Variants in AEBP2 observed in about 807,000 individuals in gnomAD.
The protein encoded by AEBP2 is zinc finger protein AEBP2.
AEBP2 carries 10 observed loss-of-function variants against 50.8 expected under a neutral mutation model. The ratio of observed to expected loss-of-function variants is 0.20; its 90% confidence interval spans 0.12 to 0.33. The LOEUF (loss-of-function observed/expected upper bound fraction) is 0.33. Ranked by LOEUF, AEBP2 falls within the 10% of genes least tolerant of loss-of-function variation. AEBP2 has a pLI of 1.00. For synonymous variants in AEBP2, 296 were observed against 261.3 expected (o/e 1.13, Z -1.28); for missense variants, 570 against 688.0 (o/e 0.83, Z 1.92).
intron 3 of AEBP2, among the ~76,000 whole-genome samples, chr12:19,473,660 C>T (rs1040347871): frequency 3.3e-5 from 5 of 152,150 alleles, no homozygotes; most frequent in Admixed American, 1.3e-4. Context: ...CCCGCCTTGG[C>T]CACCCAAAGT....
intron 1 of AEBP2, among the ~76,000 whole-genome samples, chr12:19,428,016 C>T (rs908959006): frequency 1.3e-5 from 2 of 151,788 alleles, no homozygotes; most frequent in African/African-American, 2.4e-5. Context: ...GCTGGTGGAT[C>T]GCTTGAGCTC....
chr12:19,427,098 G>T (rs902262243), intron 1 of AEBP2, among the ~76,000 whole-genome samples: 1 of 152,122 alleles, frequency 6.6e-6, no homozygotes, highest in Non-Finnish European at 1.5e-5. Flanking sequence ...GCAGAGGAAG[G>T]TCGGGCACGG....
chr12:19,493,795 T>G lies in AEBP2; in HGVS notation c.988-5T>G. 1 of 1,612,824 alleles carries G rather than the reference T, an allele frequency of 6.2e-7. No individual in the cohort carries two copies. Among genetic ancestry groups the G allele is most frequent in the East Asian group, 2.2e-5 (1 of 44,872 alleles). ...TGACGTTATTTCTGTTTTATTTTCT[T>G]TTAGTGTGTTGTTGGTGGCTGCAAT... On this transcript the variant is annotated splice_region_variant and splice_polypyrimidine_tract_variant and intron_variant, in intron 3 of 7. Transcript: ENST00000266508.
At chr12:19,455,029 A>G (rs1304260619) in intron 1 of AEBP2, among the ~76,000 whole-genome samples, 2 of 151,618 alleles carry the variant, frequency 1.3e-5, no homozygotes, top group African/African-American at 4.8e-5. Flanking sequence ...ATGAGATAGA[A>G]TCTTGCTCTG....
rs1465865714 is a variant in AEBP2 at position 19,520,377 on chromosome 12, TTC to T, written c.*2262_*2263del. On this transcript the variant is annotated 3_prime_UTR_variant, in exon 8 of 8. Transcript: ENST00000266508. ...CCAGATTTCGTGATCCTTGATTAAC[TTC>T]TGAGTACTCAATCAATCATAATCCT... The T allele has an allele frequency of 6.6e-6, 1 of 152,192 alleles. No individual in the cohort carries two copies. Among genetic ancestry groups the T allele is most frequent in the Non-Finnish European group, 1.5e-5 (1 of 68,012 alleles). 9.4% of individuals were successfully genotyped at this position (152,192 alleles called of 1,614,324 possible).
At chr12:19,425,083 T>C (rs1248456279) in intron 1 of AEBP2, among the ~76,000 whole-genome samples, 1 of 152,170 alleles carries the variant, frequency 6.6e-6, no homozygotes, top group East Asian at 1.9e-4. Flanking sequence ...CTCTGTCATG[T>C]AACAGTCTAG....
chr12:19,463,472 C>T (rs1476178503), intron 2 of AEBP2, among the ~76,000 whole-genome samples: 1 of 151,942 alleles, frequency 6.6e-6, no homozygotes, highest in African/African-American at 2.4e-5. Flanking sequence ...TAATATTAGG[C>T]CACACATTTC....
intron 2 of AEBP2, among the ~76,000 whole-genome samples, chr12:19,467,574 C>T (rs892068835): frequency 1.3e-5 from 2 of 152,088 alleles, no homozygotes; most frequent in African/African-American, 2.4e-5. Flanking sequence ...GATTACAGGC[C>T]TGAGCCACCG....
chr12:19,489,049 A>G (rs1006344598), intron 3 of AEBP2, among the ~76,000 whole-genome samples: 4 of 152,194 alleles, frequency 2.6e-5, no homozygotes, highest in Non-Finnish European at 4.4e-5. Context: ...TCGGCCTGCC[A>G]GAGTGCTGGG....
intron 5 of AEBP2, among the ~76,000 whole-genome samples, chr12:19,507,026 A>G (rs935783128): frequency 6.6e-6 from 1 of 152,168 alleles, no homozygotes. Flanking sequence ...TCTGTCACTT[A>G]GGCTGATGGC....
At chr12:19,472,041 A>C (rs1013532148) in intron 2 of AEBP2, among the ~76,000 whole-genome samples, 1 of 152,192 alleles carries the variant, frequency 6.6e-6, no homozygotes, top group African/African-American at 2.4e-5. Context: ...TAACTTCTCT[A>C]AACAGTCTTG....
intron 4 of AEBP2, among the ~76,000 whole-genome samples, chr12:19,496,116 C>G (rs1309851052): frequency 6.6e-6 from 1 of 152,146 alleles, no homozygotes; most frequent in African/African-American, 2.4e-5. Flanking sequence ...AATTTTCTGA[C>G]TTTTCACATT....
chr12:19,472,159 C>G (rs1415635306), intron 2 of AEBP2, among the ~76,000 whole-genome samples: 1 of 151,954 alleles, frequency 6.6e-6, no homozygotes, highest in Admixed American at 6.6e-5. Flanking sequence ...GTCAGTTTTT[C>G]TAGTCTATTA....
intron 1 of AEBP2, among the ~76,000 whole-genome samples, chr12:19,444,771 G>A (rs1232341529): frequency 6.6e-6 from 1 of 152,160 alleles, no homozygotes; most frequent in East Asian, 1.9e-4. Flanking sequence ...GTATTTTGGA[G>A]GGCAGGGACA....
intron 3 of AEBP2, among the ~76,000 whole-genome samples, chr12:19,478,339 A>T (rs1040296629): frequency 1.3e-5 from 2 of 152,064 alleles, no homozygotes; most frequent in Admixed American, 1.3e-4. Context: ...TCTGTCGCCC[A>T]GGCTGGAGTG....
At chr12:19,448,258 A>G (rs12815227) in intron 1 of AEBP2, among the ~76,000 whole-genome samples, 13,738 of 152,166 alleles carry the variant, frequency 0.09, 704 homozygotes, top group Middle Eastern at 0.15. Context: ...TGAAATATCC[A>G]TTTGTGTTTA....
chr12:19,495,481 A>AT (rs201938724), intron 4 of AEBP2, among the ~76,000 whole-genome samples: 3,118 of 151,066 alleles, frequency 0.021, 39 homozygotes, highest in East Asian at 0.041. Context: ...TTTCGTTTTT[A>AT]TTTTTTTTCT....
At chr12:19,436,135 TGTAAGTGACCTCTGGTCATCGTA>T (rs1947859674), upstream of AEBP2, among the ~76,000 whole-genome samples, 1 of 152,172 alleles carries the variant, frequency 6.6e-6, no homozygotes, top group Middle Eastern at 3.2e-3. Flanking sequence ...CAAGATGCGA[TGTAAGTGACCTCTGGTCATCGTA>T]GCTACTCATT....
rs11385390 is a variant in AEBP2 at position 19,488,126 on chromosome 12, A to ATT, written c.988-5660_988-5659dup. 2.4e-3 allele frequency among the ~76,000 whole-genome samples: 352 copies of ATT among 144,802 alleles called. 2 individuals are homozygous for ATT. The highest frequency in any genetic ancestry group is 5.1e-3 in the African/African-American group (201 of 39,310). The allele number at this position is 144,802 out of a possible 152,430, so 95.0% of individuals were successfully genotyped here. A position where few individuals can be genotyped will look rare whatever the true frequency, so the allele number is the denominator to read the frequency against. On this transcript the variant is annotated intron_variant, in intron 3 of 7. Transcript: ENST00000266508. ...AGGAACTGAGGCAAGAACAGATTAA[A>ATT]TTTTTTTTTTTTTTTGAGGCGTAGT...
Sources: allele counts gnomAD v4.1 joint callset (sites outside exome capture counted in the v4.1 genomes callset), GRCh38; gene constraint gnomAD v4.1.1; transcripts MANE v1.5; gene names NCBI Gene and HGNC (gene_info 2026-07-23, HGNC 2026-07-21).